The following C3orf52 variants were observed in gnomAD, a reference collection of about 807,000 sequenced individuals.
C3orf52 encodes TPA-induced transmembrane protein.
Under a neutral mutation model 24.8 loss-of-function variants are expected in C3orf52, and 22 were observed. The observed-to-expected ratio is 0.89, with a 90% CI of 0.63 to 1.27. The LOEUF is 1.27. Among genes scored for constraint, C3orf52 ranks in the 50% most tolerant of loss-of-function variants. C3orf52 has a pLI of 0.00. For missense variants in C3orf52, 265 were observed against 260.7 expected, an observed-to-expected ratio of 1.02 and a Z score of -0.11; for synonymous variants, 93 against 100.2, an observed-to-expected ratio of 0.93 and a Z score of 0.43.
chr3:112,102,752 A>G, intron 2 of C3orf52, 86 bp from the exon 3 acceptor site: 1 of 1,212,040 alleles, frequency 8.3e-7, no homozygotes, highest in Admixed American at 2.7e-5. Context: ...ATGTTTAAGT[A>G]TGGCAGTCAA....
At chr3:112,134,058 T>A (rs2074521253), downstream of C3orf52, 1 of 152,302 alleles carries the variant, frequency 6.6e-6, no homozygotes, top group Admixed American at 6.5e-5. Flanking sequence ...AAGAAGCAAC[T>A]GAGTGTCAGA....
Position 112,123,530 on chromosome 3 carries a change from G to A in C3orf52, c.*46+3968G>A, listed in dbSNP as rs756370127. 2.7e-5 allele frequency: 43 copies of A among 1,614,090 alleles called. No individual in the cohort carries two copies. In the Admixed American group the frequency reaches 5.3e-4, roughly 20 times the overall value. ...GTTGCAGAAAGTGAGAGGAGATTCT[G>A]TGAGGCATGAGAAGTTCATATTCAT... On this transcript the variant is annotated intron_variant, in intron 4 of 4. Coordinates refer to the C3orf52 transcript ENST00000480282.
In C3orf52 at chr3:112,118,062, C is replaced by CTAAATTAGTT. The variant is rs1372250107; in HGVS notation, c.*1418_*1419insAATTAGTTTA. On this transcript the variant is annotated 3_prime_UTR_variant, in exon 6 of 6. Coordinates refer to ENST00000264848, the MANE Select transcript of C3orf52 (RefSeq NM_024616.3). ...CTCATTTTAGTGATTGTTCCTTAAA[C>CTAAATTAGTT]TAGTGAAACTAGTGGATTTCTCTTC... The CTAAATTAGTT allele has an allele frequency of 3.3e-5, 5 of 152,222 alleles. No homozygotes were observed. Among genetic ancestry groups the CTAAATTAGTT allele is most frequent in the Non-Finnish European group, 5.9e-5 (4 of 68,040 alleles). The allele number at this position is 152,222 out of a possible 1,614,324, so 9.4% of individuals were successfully genotyped here.
At chr3:112,109,517 G>C (rs148943408) in intron 3 of C3orf52, 26 bp from the exon 4 acceptor site, 2 of 1,450,312 alleles carry the variant, frequency 1.4e-6, no homozygotes, top group Non-Finnish European at 1.9e-6. Flanking sequence ...TAATGTGTGT[G>C]GTTTAATTTG....
chr3:112,093,138 T>A (rs1365865949), intron 1 of C3orf52, among the ~76,000 whole-genome samples: 1 of 152,208 alleles, frequency 6.6e-6, no homozygotes, highest in Non-Finnish European at 1.5e-5. Flanking sequence ...AAATCCTGCC[T>A]ATCCTCCCCA....
downstream of C3orf52, chr3:112,122,923 C>T (rs1244757949): frequency 6.4e-6 from 1 of 155,192 alleles, no homozygotes; most frequent in Non-Finnish European, 1.4e-5. Context: ...CTAACCAGAC[C>T]ATGGGGGCCA....
intron 1 of C3orf52, among the ~76,000 whole-genome samples, chr3:112,090,529 A>G (rs2073867984): frequency 1.3e-5 from 2 of 152,028 alleles, no homozygotes; most frequent in Non-Finnish European, 1.5e-5. Flanking sequence ...AATATTAATC[A>G]TGTAAGGGAT....
At chr3:112,114,260 C>T (rs1352554186) in intron 5 of C3orf52, among the ~76,000 whole-genome samples, 1 of 152,046 alleles carries the variant, frequency 6.6e-6, no homozygotes, top group Non-Finnish European at 1.5e-5. Flanking sequence ...TTAAGAATGC[C>T]ATTCAGAAGG....
chr3:112,094,033 C>T (rs1187851016), intron 2 of C3orf52, among the ~76,000 whole-genome samples: 1 of 151,886 alleles, frequency 6.6e-6, no homozygotes, highest in Non-Finnish European at 1.5e-5. Context: ...CTTACTCTGT[C>T]ACCCAGGCTA....
chr3:112,113,352 A>T (rs1202678951), intron 5 of C3orf52, among the ~76,000 whole-genome samples: 1 of 152,198 alleles, frequency 6.6e-6, no homozygotes, highest in Admixed American at 6.5e-5. Flanking sequence ...TGCCCTCCAT[A>T]ATTAGACAGT....
rs923151970 is a variant in C3orf52, at chr3:112,117,107, G to A, written c.*461G>A. On this transcript the variant is annotated 3_prime_UTR_variant, in exon 6 of 6. Transcript: ENST00000264848. ...GCACTGTCTTCTTTTAGGTGGGATC[G>A]CGTAAGCATGAGCTGGTAGAGCACG... is the stretch of plus-strand genomic sequence containing the variant. 4.9e-5 allele frequency: 30 copies of A among 608,780 alleles called. No individual in the cohort carries two copies. Among genetic ancestry groups the A allele is most frequent in the East Asian group, 2.5e-4 (9 of 36,226 alleles). The allele number at this position is 608,780 out of a possible 1,614,324, so 37.7% of individuals were successfully genotyped here. A position where few individuals can be genotyped will look rare whatever the true frequency, so the allele number is the denominator to read the frequency against.
chr3:112,133,374 A>G (rs1286695300), downstream of C3orf52: 1 of 437,892 alleles, frequency 2.3e-6, no homozygotes, highest in African/African-American at 2.0e-5. Flanking sequence ...ATAACCAGCA[A>G]CTACCCGTCA....
chr3:112,124,237 AT>A (rs1284069780), intron 4 of C3orf52, among the ~76,000 whole-genome samples: 3 of 152,178 alleles, frequency 2.0e-5, no homozygotes, highest in Non-Finnish European at 4.4e-5. Flanking sequence ...ATATTCCTTT[AT>A]AGCAACACAA....
intron 1 of C3orf52, among the ~76,000 whole-genome samples, chr3:112,090,415 C>T (rs1295144975): frequency 6.6e-6 from 1 of 151,372 alleles, no homozygotes. Context: ...CCACCTCAGA[C>T]TCCTCAGTAT....
intron 2 of C3orf52, among the ~76,000 whole-genome samples, chr3:112,097,666 C>T (rs993305598): frequency 6.6e-6 from 1 of 152,118 alleles, no homozygotes; most frequent in Admixed American, 6.5e-5. Flanking sequence ...CTATAAGCTG[C>T]CAAGGTCCTT....
intron 2 of C3orf52, among the ~76,000 whole-genome samples, chr3:112,100,293 A>G (rs1018287840): frequency 6.6e-6 from 1 of 152,176 alleles, no homozygotes; most frequent in African/African-American, 2.4e-5. Flanking sequence ...AATTTCTTAT[A>G]TTCTAGCCAA....
intron 4 of C3orf52, among the ~76,000 whole-genome samples, chr3:112,111,204 C>G (rs2074079292): frequency 6.6e-6 from 1 of 152,198 alleles, no homozygotes; most frequent in South Asian, 2.1e-4. Context: ...GAGACTCAAA[C>G]AAGACAAAAC....
chr3:112,097,938 T>A (rs1421764612), intron 2 of C3orf52, among the ~76,000 whole-genome samples: 1 of 152,216 alleles, frequency 6.6e-6, no homozygotes, highest in Non-Finnish European at 1.5e-5. Flanking sequence ...AAGTTATTTA[T>A]ATCTTACTGC....
chr3:112,105,793 A>C (rs1180774936), intron 3 of C3orf52, among the ~76,000 whole-genome samples: 1 of 148,736 alleles, frequency 6.7e-6, no homozygotes, highest in Non-Finnish European at 1.5e-5. Context: ...ACTGCACTCC[A>C]GCCTGGGCAA....
Sources: gnomAD v4.1 joint callset for allele counts (sites outside exome capture counted in the v4.1 genomes callset) on GRCh38, gnomAD v4.1.1 for gene constraint, MANE v1.5 for transcripts, NCBI Gene and HGNC (gene_info 2026-07-23, HGNC 2026-07-21) for gene names.